The following PMFBP1 variants were observed in gnomAD, a reference collection of about 807,000 sequenced individuals.
PMFBP1 encodes polyamine modulated factor 1 binding protein 1, also known as polyamine-modulated factor 1-binding protein 1.
Under a neutral mutation model 137.8 loss-of-function variants are expected in PMFBP1, and 131 were observed. The ratio of observed to expected loss-of-function variants is 0.95; its 90% confidence interval spans 0.82 to 1.10. The LOEUF (loss-of-function observed/expected upper bound fraction) is 1.10. PMFBP1 is among the 50% of genes least tolerant of loss of function. PMFBP1 has a pLI of 0.00. For synonymous variants in PMFBP1, 490 were observed against 450.4 expected, an observed-to-expected ratio of 1.09 and a Z score of -1.11; for missense variants, 1,199 against 1,175.4, an observed-to-expected ratio of 1.02 and a Z score of -0.29.
At chr16:72,249,433 G>T in the PMFBP1 span, among the ~76,000 whole-genome samples, 10 of 150,934 alleles carry the variant, frequency 6.6e-5, no homozygotes, top group Non-Finnish European at 1.5e-5. Flanking sequence ...CAGGAAACAA[G>T]AATTTTTTTC....
Position 72,123,619 on chromosome 16 carries a change from T to C in PMFBP1, c.2620A>G (p.Lys874Glu). 1 of 1,614,110 alleles carries C rather than the reference T, an allele frequency of 6.2e-7. No homozygotes were observed. Among genetic ancestry groups the C allele is most frequent in the Non-Finnish European group, 8.5e-7 (1 of 1,179,978 alleles). Residue 874 changes from lysine (K) to glutamate (E), a missense_variant, in exon 18 of 21, where the codon AAA (lysine) becomes GAA (glutamate). Lys to Glu is a moderately conservative substitution (Grantham distance 56). Transcript: ENST00000237353. ...CCTCGGTAGAGCCTACAGGTGTCTT[T>C]GGGCACAGACCACTGGGGCAGGCAG... ...PCCLPQWSVP[K>E]DTCRLYRGND...
chr16:72,127,808 A>C (rs2042484548), intron 14 of PMFBP1, among the ~76,000 whole-genome samples: 1 of 152,202 alleles, frequency 6.6e-6, no homozygotes, highest in Admixed American at 6.5e-5. Flanking sequence ...CAACTTTTCC[A>C]TCATCACAGA....
At chr16:72,130,011 T>A (rs1156474447) in intron 12 of PMFBP1, among the ~76,000 whole-genome samples, 2 of 149,400 alleles carry the variant, frequency 1.3e-5, no homozygotes, top group East Asian at 3.9e-4. Context: ...TATGCCCTGA[T>A]AATGTTTGTA....
At chr16:72,153,165 C>T (rs558479555) in intron 4 of PMFBP1, among the ~76,000 whole-genome samples, 1 of 152,334 alleles carries the variant, frequency 6.6e-6, no homozygotes, top group Admixed American at 6.5e-5. Context: ...CACAGCCCTG[C>T]ACTATCTTTT....
At chr16:72,178,114 A>C (rs1385781004), upstream of PMFBP1, among the ~76,000 whole-genome samples, 1 of 152,114 alleles carries the variant, frequency 6.6e-6, no homozygotes, top group African/African-American at 2.4e-5. Flanking sequence ...GCTAGTCTCA[A>C]ACTCCTGAGC....
chr16:72,155,302 T>C (rs1380733605), intron 3 of PMFBP1, among the ~76,000 whole-genome samples: 1 of 152,180 alleles, frequency 6.6e-6, no homozygotes, highest in East Asian at 1.9e-4. Context: ...GTCCTTAGCA[T>C]CCAACCCTGC....
At chr16:72,124,661 C>T in intron 17 of PMFBP1, 106 bp downstream of exon 17, 1 of 1,376,094 alleles carries the variant, frequency 7.3e-7, no homozygotes, top group South Asian at 1.4e-5. Context: ...CTTTCCTTTG[C>T]TCCCAGGCTC....
chr16:72,127,702 A>T (rs1202316709), intron 14 of PMFBP1, among the ~76,000 whole-genome samples: 2 of 152,222 alleles, frequency 1.3e-5, no homozygotes, highest in East Asian at 3.8e-4. Flanking sequence ...CTCTGCTGTC[A>T]ATGGTATTAG....
intron 5 of PMFBP1, among the ~76,000 whole-genome samples, chr16:72,148,232 A>T (rs2042843571): frequency 3.3e-5 from 5 of 152,196 alleles, no homozygotes. Context: ...TACATGGATG[A>T]AACTGGAAAC....
At position 72,138,936 on chromosome 16, in the gene PMFBP1, G is replaced by T. The variant is rs532523246; in HGVS notation, c.918+353C>A. On this transcript the variant is annotated intron_variant, in intron 7 of 20. Transcript: ENST00000237353. ...TCAAAAAAAAAAAAAAAAGCAGGGG[G>T]AATAAATTTGGATTAATAATCTTTC... Among the ~76,000 whole-genome samples, 7 of 152,088 alleles carry T rather than the reference G, an allele frequency of 4.6e-5. No homozygotes were observed. In the East Asian group the frequency reaches 1.2e-3, roughly 25 times the overall value.
intron 3 of PMFBP1, among the ~76,000 whole-genome samples, chr16:72,162,772 C>T (rs1322976748): frequency 1.3e-5 from 2 of 152,188 alleles, no homozygotes; most frequent in East Asian, 3.8e-4. Flanking sequence ...TTCCAAGTTG[C>T]CAGGTACATT....
chr16:72,199,976 C>T, the PMFBP1 span, among the ~76,000 whole-genome samples: 1 of 152,038 alleles, frequency 6.6e-6, no homozygotes, highest in South Asian at 2.1e-4. Context: ...AAAAGCAGCC[C>T]GAGAGGAAAT....
intron 3 of PMFBP1, among the ~76,000 whole-genome samples, chr16:72,156,242 C>T (rs1271635425): frequency 2.0e-5 from 3 of 152,156 alleles, no homozygotes; most frequent in African/African-American, 7.2e-5. Context: ...CCACCTTGAC[C>T]TCCCAAAGTG....
At chr16:72,210,646 C>T in the PMFBP1 span, among the ~76,000 whole-genome samples, 4 of 152,232 alleles carry the variant, frequency 2.6e-5, no homozygotes, top group South Asian at 8.3e-4. Context: ...AAACAGCTGC[C>T]ACATTTGGAC....
chr16:72,196,652 T>C, the PMFBP1 span, among the ~76,000 whole-genome samples: 1 of 152,224 alleles, frequency 6.6e-6, no homozygotes, highest in African/African-American at 2.4e-5. Flanking sequence ...ACACATGGGA[T>C]GACTATTTGG....
At chr16:72,141,063 T>G (rs1285931436) in intron 5 of PMFBP1, among the ~76,000 whole-genome samples, 1 of 146,462 alleles carries the variant, frequency 6.8e-6, no homozygotes, top group Non-Finnish European at 1.5e-5. Context: ...GCCCCCCAAA[T>G]AGCTAGAATT....
At chr16:72,117,195 G>C (rs980273234), downstream of PMFBP1, among the ~76,000 whole-genome samples, 4 of 151,992 alleles carry the variant, frequency 2.6e-5, no homozygotes, top group Admixed American at 2.6e-4. Context: ...ATGTTTTATA[G>C]TTTTCATTGT....
At chr16:72,120,530 C>T (rs566547105) in intron 19 of PMFBP1, among the ~76,000 whole-genome samples, 16 of 152,300 alleles carry the variant, frequency 1.1e-4, no homozygotes, top group Non-Finnish European at 1.6e-4. Context: ...TGCCAAAGCC[C>T]GCATTCTCTC....
At chr16:72,134,812 T>C (rs181157666) in intron 9 of PMFBP1, among the ~76,000 whole-genome samples, 2 of 152,338 alleles carry the variant, frequency 1.3e-5, no homozygotes, top group African/African-American at 4.8e-5. Context: ...AGGACTTCTC[T>C]GATCACCCTG....
Sources: gnomAD v4.1 joint callset for allele counts (sites outside exome capture counted in the v4.1 genomes callset) on GRCh38, gnomAD v4.1.1 for gene constraint, MANE v1.5 for transcripts, NCBI Gene and HGNC (gene_info 2026-07-23, HGNC 2026-07-21) for gene names.